The following ANK2 variants were observed in gnomAD, a reference collection of about 807,000 sequenced individuals.
ANK2 encodes the protein ankyrin-2.
A neutral mutation model predicts 360.5 loss-of-function variants in ANK2; 83 were observed. That is an observed-to-expected ratio of 0.23 (90% CI 0.19 to 0.28). The LOEUF (loss-of-function observed/expected upper bound fraction) is 0.28, where lower values mean the gene tolerates loss of function less well. Among genes scored for constraint, ANK2 ranks in the 10% least tolerant of loss-of-function variants. The pLI, the probability that ANK2 is intolerant of heterozygous loss-of-function variation, is 1.00. For missense variants in ANK2, 4,201 were observed against 4,795.7 expected (o/e 0.88, Z 3.66); for synonymous variants, 1,740 against 1,759.5 (o/e 0.99, Z 0.28).
At position 113,075,375 on chromosome 4, in the gene ANK2, A is replaced by G. The variant is rs547755433; in HGVS notation, c.84+25563A>G. On this transcript the variant is annotated intron_variant, in intron 1 of 45. Coordinates refer to ENST00000357077, the MANE Select transcript of ANK2 (RefSeq NM_001148.6). ...TACATCTAAATATGTTTCTTTGTAT[A>G]GGTGTTCTCTCCAGTTCCAGTCTTT... is the stretch of plus-strand genomic sequence containing the variant. Among the ~76,000 whole-genome samples the G allele has an allele frequency of 2.3e-4, 35 of 152,326 alleles. No homozygotes were observed. In the South Asian group the frequency reaches 6.2e-3, roughly 27 times the overall value.
At chr4:112,801,197 G>T in the ANK2 span, among the ~76,000 whole-genome samples, 12 of 152,114 alleles carry the variant, frequency 7.9e-5, no homozygotes, top group African/African-American at 2.9e-4. Context: ...TATTTTTTGT[G>T]TGTGGGATTT....
the ANK2 span, among the ~76,000 whole-genome samples, chr4:112,776,432 A>G: frequency 6.6e-6 from 1 of 152,168 alleles, no homozygotes; most frequent in Non-Finnish European, 1.5e-5. Context: ...TGAGCTTGAC[A>G]AGGTTTGTAC....
chr4:113,341,853 A>G lies in ANK2; in HGVS notation c.4059A>G (p.Lys1353=). ...RLRCFCMTDD[K]VDKTLEQQEN... is the part of the protein sequence containing the mutation. ...GGTGTTTCTGCATGACTGATGATAA[A>G]GTGGATAAGACCCTTGAACAACAAG... is the stretch of plus-strand genomic sequence containing the variant. The change falls in exon 33 of 46, where the codon AAA becomes AAG. Residue 1353 remains lysine (K), a synonymous_variant. Coordinates refer to ENST00000357077, the MANE Select transcript of ANK2 (RefSeq NM_001148.6). 1 of 1,614,116 alleles carries G rather than the reference A, an allele frequency of 6.2e-7. No homozygotes were observed. Among genetic ancestry groups the G allele is most frequent in the Non-Finnish European group, 8.5e-7 (1 of 1,180,022 alleles).
chr4:113,292,202 T>G (rs1368385261), intron 20 of ANK2, among the ~76,000 whole-genome samples: 1 of 152,200 alleles, frequency 6.6e-6, no homozygotes, highest in African/African-American at 2.4e-5. Context: ...CTGTTAATCT[T>G]GTTTCATCAG....
chr4:112,826,508 C>A, intron 1 of ANK2: 1 of 1,215,328 alleles, frequency 8.2e-7, no homozygotes, highest in Non-Finnish European at 1.2e-6. Context: ...CCACATCTGA[C>A]AAGCCTGTTA....
chr4:112,788,345 G>T, the ANK2 span: 1 of 1,548,478 alleles, frequency 6.5e-7, no homozygotes. Context: ...AATGCACTAA[G>T]GGACCACCAT....
intron 1 of ANK2, among the ~76,000 whole-genome samples, chr4:113,087,453 G>C (rs1430689652): frequency 2.0e-5 from 3 of 152,022 alleles, no homozygotes; most frequent in Non-Finnish European, 2.9e-5. Context: ...TTTTTCATTT[G>C]TGTTATGTTA....
chr4:112,706,104 A>G, the ANK2 span, among the ~76,000 whole-genome samples: 2 of 150,638 alleles, frequency 1.3e-5, no homozygotes, highest in Non-Finnish European at 3.0e-5. Flanking sequence ...GACGCGGGAG[A>G]CCCGGGCGTG....
chr4:112,936,942 C>A (rs1377083164), intron 2 of ANK2, among the ~76,000 whole-genome samples: 1 of 152,070 alleles, frequency 6.6e-6, no homozygotes, highest in Non-Finnish European at 1.5e-5. Flanking sequence ...CATGCACCAT[C>A]GTGCCTGGCT....
intron 18 of ANK2, 38 bp downstream of exon 18, chr4:113,282,910 G>C (rs754750265): frequency 1.2e-6 from 2 of 1,605,714 alleles, no homozygotes; most frequent in South Asian, 2.2e-5. Flanking sequence ...AGAGTGTTTT[G>C]GATGCATGTA....
At chr4:112,838,434 C>T (rs1260893737) in intron 1 of ANK2, among the ~76,000 whole-genome samples, 1 of 152,206 alleles carries the variant, frequency 6.6e-6, no homozygotes, top group African/African-American at 2.4e-5. Flanking sequence ...CAGGCAGTCC[C>T]AATCTGGAAA....
chr4:112,997,598 G>A (rs1395385017), intron 2 of ANK2, among the ~76,000 whole-genome samples: 1 of 152,012 alleles, frequency 6.6e-6, no homozygotes, highest in Non-Finnish European at 1.5e-5. Flanking sequence ...GAACTTCCCT[G>A]TTTTGGAGAC....
At chr4:112,721,673 T>C in the ANK2 span, among the ~76,000 whole-genome samples, 1 of 151,706 alleles carries the variant, frequency 6.6e-6, no homozygotes, top group Non-Finnish European at 1.5e-5. Flanking sequence ...GAAATGATTC[T>C]AAAGTTATTG....
At chr4:112,888,671 T>G (rs948831144) in intron 1 of ANK2, among the ~76,000 whole-genome samples, 2 of 152,182 alleles carry the variant, frequency 1.3e-5, no homozygotes, top group African/African-American at 4.8e-5. Context: ...ATGCTCAAAA[T>G]GACAAATCCA....
At position 113,206,190 on chromosome 4, in the gene ANK2, A is replaced by C. The variant is rs145585075; in HGVS notation, c.384+7081A>C. 3.0e-3 allele frequency among the ~76,000 whole-genome samples: 456 copies of C among 152,212 alleles called. 17 individuals are homozygous for C. The East Asian group carries it at 0.075, about 25-fold the overall frequency. On this transcript the variant is annotated intron_variant, in intron 4 of 45. Transcript: ENST00000357077. ...GGTGGTTTGCTGCACCTATTAACCC[A>C]TCACCTAGGTATTAAGCCCAAAATG...
chr4:112,713,316 A>G, the ANK2 span, among the ~76,000 whole-genome samples: 1 of 152,024 alleles, frequency 6.6e-6, no homozygotes, highest in South Asian at 2.1e-4. Flanking sequence ...AAGTTGCTAT[A>G]TAAAACACTT....
intron 2 of ANK2, among the ~76,000 whole-genome samples, chr4:113,005,602 A>C (rs967498805): frequency 6.6e-6 from 1 of 152,172 alleles, no homozygotes; most frequent in Non-Finnish European, 1.5e-5. Flanking sequence ...GGAAGGAGAG[A>C]GGATGAAGAG....
intron 1 of ANK2, among the ~76,000 whole-genome samples, chr4:112,837,605 C>G (rs897540455): frequency 6.6e-6 from 1 of 152,254 alleles, no homozygotes; most frequent in Non-Finnish European, 1.5e-5. Context: ...AGGGGCTGTA[C>G]CCTGCAGAGC....
chr4:113,188,154 G>A (rs1053970581), intron 2 of ANK2, among the ~76,000 whole-genome samples: 4 of 152,176 alleles, frequency 2.6e-5, no homozygotes, highest in Admixed American at 1.3e-4. Flanking sequence ...AATTTGGTTA[G>A]CAAAGTTAGG....
Sources: gnomAD v4.1 joint callset for allele counts (sites outside exome capture counted in the v4.1 genomes callset) on GRCh38, gnomAD v4.1.1 for gene constraint, MANE v1.5 for transcripts, NCBI Gene and HGNC (gene_info 2026-07-23, HGNC 2026-07-21) for gene names.